ZBTB40: variants seen among roughly 807,000 people sequenced by gnomAD.
ZBTB40 encodes the protein zinc finger and BTB domain containing 40.
ZBTB40 carries 60 observed loss-of-function variants against 117.5 expected under a neutral mutation model. The ratio of observed to expected loss-of-function variants is 0.51; its 90% CI spans 0.41 to 0.63. The LOEUF is 0.63. ZBTB40 is among the 30% of genes least tolerant of loss of function. The pLI is 0.00. For synonymous variants in ZBTB40, 525 were observed against 577.1 expected (o/e 0.91, Z 1.29); for missense variants, 1,287 against 1,498.5 (o/e 0.86, Z 2.33).
chr1:22,521,791 C>T (rs1388985874), intron 15 of ZBTB40, 133 bp downstream of exon 15: 1 of 1,326,682 alleles, frequency 7.5e-7, no homozygotes, highest in Non-Finnish European at 1.1e-6. Context: ...TGCCCCAGCG[C>T]ACCTGTCCGT....
In ZBTB40 at chr1:22,516,608, C is replaced by T. The variant is rs973384074; in HGVS notation, c.2669-692C>T. Among the ~76,000 whole-genome samples the T allele has an allele frequency of 7.2e-5, 11 of 152,164 alleles. No individual in the cohort carries two copies. In the East Asian group the frequency reaches 2.1e-3, roughly 29 times the overall value. On this transcript the variant is annotated intron_variant, in intron 12 of 17. Coordinates refer to ENST00000375647, the MANE Select transcript of ZBTB40 (RefSeq NM_014870.4). Reference sequence around the variant, plus strand: ...TACATAAACACTGAAAATGAGGCTGCTTGTCCTAGTTGTGGTAGACCCTGG... The same window carrying T: ...TACATAAACACTGAAAATGAGGCTGTTTGTCCTAGTTGTGGTAGACCCTGG...
chr1:22,525,599 T>C (rs1639654674), intron 17 of ZBTB40, among the ~76,000 whole-genome samples: 2 of 152,234 alleles, frequency 1.3e-5, no homozygotes, highest in Admixed American at 6.5e-5. Flanking sequence ...TAACAGATTA[T>C]GCAGATTTGG....
In ZBTB40 at chr1:22,529,567, T is replaced by C. The variant is rs749230641; in HGVS notation, c.*3171T>C. On this transcript the variant is annotated 3_prime_UTR_variant, in exon 18 of 18. Transcript: ENST00000375647. Reference sequence around the variant, plus strand: ...TACTGCGGGAAGGTGAGACTCCTACTGTCCACGCGCATGAGCAGAACCTGG... The same window carrying C: ...TACTGCGGGAAGGTGAGACTCCTACCGTCCACGCGCATGAGCAGAACCTGG... 1.3e-5 allele frequency: 2 copies of C among 152,388 alleles called. No individual in the cohort carries two copies. The highest frequency in any genetic ancestry group is 2.9e-5 in the Non-Finnish European group (2 of 68,072). 9.4% of individuals were successfully genotyped at this position (152,388 alleles called of 1,614,324 possible). A position where few individuals can be genotyped will look rare whatever the true frequency, so the allele number is the denominator to read the frequency against.
intron 1 of ZBTB40, among the ~76,000 whole-genome samples, chr1:22,466,256 G>GGACATGGACA (rs1437600521): frequency 6.6e-6 from 1 of 152,194 alleles, no homozygotes; most frequent in African/African-American, 2.4e-5. Context: ...TTGTTTACAT[G>GGACATGGACA]TATAATATTT....
At chr1:22,439,307 A>G (rs974270344) in intron 1 of ZBTB40, among the ~76,000 whole-genome samples, 7 of 151,966 alleles carry the variant, frequency 4.6e-5, no homozygotes, top group Non-Finnish European at 8.8e-5. Context: ...CCCTATTACT[A>G]TGTTTATTTT....
At chr1:22,511,581 A>T (rs1639235540) in intron 10 of ZBTB40, 95 bp from the exon 11 acceptor site, 1 of 1,370,266 alleles carries the variant, frequency 7.3e-7, no homozygotes, top group Non-Finnish European at 1.0e-6. Flanking sequence ...GATCTCAAGT[A>T]GTCTCTAGTC....
intron 1 of ZBTB40, among the ~76,000 whole-genome samples, chr1:22,457,947 A>T (rs1361592221): frequency 1.3e-5 from 2 of 152,132 alleles, no homozygotes; most frequent in African/African-American, 4.8e-5. Context: ...GCAGCAGTGA[A>T]TTTGCCATCT....
At chr1:22,501,767 T>C (rs2124443980) in intron 4 of ZBTB40, 83 bp downstream of exon 4, 1 of 1,454,190 alleles carries the variant, frequency 6.9e-7, no homozygotes, top group East Asian at 2.4e-5. Flanking sequence ...ACATGTTTCT[T>C]TGGTGGCTTA....
At chr1:22,483,027 C>G (rs1039627480) in intron 1 of ZBTB40, among the ~76,000 whole-genome samples, 1 of 149,870 alleles carries the variant, frequency 6.7e-6, no homozygotes, top group Non-Finnish European at 1.5e-5. Flanking sequence ...TGCAGTGAGC[C>G]GAGATCACGC....
At chr1:22,488,141 G>T (rs573025370) in intron 1 of ZBTB40, among the ~76,000 whole-genome samples, 5 of 152,228 alleles carry the variant, frequency 3.3e-5, no homozygotes, top group African/African-American at 1.2e-4. Flanking sequence ...CCCAAACTGT[G>T]TTTGTGTGTA....
intron 1 of ZBTB40, among the ~76,000 whole-genome samples, chr1:22,482,162 G>A (rs1469129388): frequency 1.3e-5 from 2 of 151,906 alleles, no homozygotes; most frequent in African/African-American, 4.8e-5. Flanking sequence ...AAAAAGTAGG[G>A]GTAGACATTC....
chr1:22,478,586 G>T (rs1040790158), intron 1 of ZBTB40, among the ~76,000 whole-genome samples: 3 of 152,066 alleles, frequency 2.0e-5, no homozygotes, highest in Non-Finnish European at 4.4e-5. Flanking sequence ...GAGATGATGA[G>T]TACCCACTTC....
chr1:22,442,431 GTTGT>G (rs2124368050), intron 1 of ZBTB40, among the ~76,000 whole-genome samples: 1 of 152,240 alleles, frequency 6.6e-6, no homozygotes, highest in Non-Finnish European at 1.5e-5. Context: ...AGACCCTGGG[GTTGT>G]TTGTCGCCAC....
rs1056434980 is a variant in ZBTB40 at position 22,444,267 on chromosome 1, A to T, written c.-70+15253A>T. Among the ~76,000 whole-genome samples, 25 of 152,214 alleles carry T rather than the reference A, an allele frequency of 1.6e-4. No individual in the cohort carries two copies. In the East Asian group the frequency reaches 2.7e-3, roughly 16 times the overall value. On this transcript the variant is annotated intron_variant, in intron 1 of 8. Coordinates refer to the ZBTB40 transcript ENST00000650433. ...TCTCTACTAAAAATATATATATATA[A>T]AAATTAGCTGGGCGTGGTGGTGGGC...
chr1:22,465,254 G>T (rs969269117), intron 1 of ZBTB40, among the ~76,000 whole-genome samples: 5 of 152,182 alleles, frequency 3.3e-5, no homozygotes, highest in African/African-American at 1.2e-4. Flanking sequence ...AGGCCCTGGA[G>T]AGGGTAACTC....
At chr1:22,522,825 G>A (rs944369296) in intron 16 of ZBTB40, among the ~76,000 whole-genome samples, 42 of 151,382 alleles carry the variant, frequency 2.8e-4, no homozygotes, top group Non-Finnish European at 5.7e-4. Flanking sequence ...GAGTGCAGTG[G>A]TGCGATCTCA....
At position 22,430,738 on chromosome 1, in the gene ZBTB40, GCTTAC is replaced by G. The variant is rs1640569590; in HGVS notation, c.-70+1727_-70+1731del. Among the ~76,000 whole-genome samples the G allele has an allele frequency of 2.6e-5, 4 of 151,986 alleles. No homozygotes were observed. The South Asian group carries it at 8.3e-4, about 32-fold the overall frequency. On this transcript the variant is annotated intron_variant, in intron 1 of 8. Transcript: ENST00000650433. Reference sequence around the variant, plus strand: ...TCTCCCATCCCAGCCTCCGTGGTTGGCTTACCTGGGCTGTGAGGAACCATGCCCAG... The same window carrying G: ...TCTCCCATCCCAGCCTCCGTGGTTGGCTGGGCTGTGAGGAACCATGCCCAG...
chr1:22,453,341 A>G (rs2124378541), intron 1 of ZBTB40, among the ~76,000 whole-genome samples: 1 of 152,324 alleles, frequency 6.6e-6, no homozygotes, highest in Middle Eastern at 3.4e-3. Flanking sequence ...GCATGTACGC[A>G]TGCATTCATT....
chr1:22,433,432 C>CAAAAAACAAAAACAAAAAAAAAA (rs1491371695), intron 1 of ZBTB40, among the ~76,000 whole-genome samples: 1 of 8,766 alleles, frequency 1.1e-4, no homozygotes, highest in African/African-American at 2.5e-4. Context: ...GACGCCCTCT[C>CAAAAAACAAAAACAAAAAAAAAA]AAAAAAAAAA....
Sources: gnomAD v4.1 joint callset for allele counts (sites outside exome capture counted in the v4.1 genomes callset) on GRCh38, gnomAD v4.1.1 for gene constraint, MANE v1.5 for transcripts, NCBI Gene and HGNC (gene_info 2026-07-23, HGNC 2026-07-21) for gene names.